Variants in EML5 observed in about 807,000 individuals in gnomAD.
The protein encoded by EML5 is echinoderm microtubule-associated protein-like 5.
In EML5, 120 loss-of-function variants were observed where a neutral mutation model predicts 250.0. That is an observed-to-expected ratio of 0.48 (90% CI 0.41 to 0.56). The LOEUF (loss-of-function observed/expected upper bound fraction) is 0.56, where lower values mean the gene tolerates loss of function less well. Among genes scored for constraint, EML5 ranks in the 20% least tolerant of loss-of-function variants. The pLI is 0.00. For synonymous variants in EML5, 771 were observed against 806.5 expected (o/e 0.96, Z 0.75); for missense variants, 2,006 against 2,437.6 (o/e 0.82, Z 3.73).
At chr14:88,665,222 T>C (rs2092271209) in intron 22 of EML5, 115 bp downstream of exon 22, 3 of 1,150,070 alleles carry the variant, frequency 2.6e-6, no homozygotes, top group Non-Finnish European at 3.6e-6. Flanking sequence ...CTGCCTCTTC[T>C]AGTAAAAAAG....
chr14:88,743,517 G>A (rs1426776550), intron 4 of EML5, among the ~76,000 whole-genome samples: 1 of 152,044 alleles, frequency 6.6e-6, no homozygotes, highest in Non-Finnish European at 1.5e-5. Flanking sequence ...AATATACACT[G>A]CCGCCTTATT....
At chr14:88,647,415 G>A (rs2140737176) in intron 28 of EML5, among the ~76,000 whole-genome samples, 1 of 151,766 alleles carries the variant, frequency 6.6e-6, no homozygotes, top group Admixed American at 6.6e-5. Flanking sequence ...AAAGGCATAA[G>A]GCTGGGCACA....
intron 8 of EML5, among the ~76,000 whole-genome samples, chr14:88,720,457 G>A (rs2093572538): frequency 6.6e-6 from 1 of 152,116 alleles, no homozygotes; most frequent in African/African-American, 2.4e-5. Flanking sequence ...TCATCCCCGA[G>A]ATGCAAGGCT....
At chr14:88,668,004 G>A (rs2092352570) in intron 21 of EML5, among the ~76,000 whole-genome samples, 1 of 152,142 alleles carries the variant, frequency 6.6e-6, no homozygotes, top group African/African-American at 2.4e-5. Context: ...TGCACCCTCT[G>A]GCAAGCTTTT....
chr14:88,744,698 G>A (rs1018129149), intron 3 of EML5, among the ~76,000 whole-genome samples: 1 of 151,888 alleles, frequency 6.6e-6, no homozygotes, highest in Non-Finnish European at 1.5e-5. Context: ...AATAAAATAC[G>A]AATGAGAAAT....
chr14:88,772,988 C>T (rs1025148038), intron 1 of EML5, among the ~76,000 whole-genome samples: 1 of 152,220 alleles, frequency 6.6e-6, no homozygotes, highest in South Asian at 2.1e-4. Flanking sequence ...TACTCCTAGT[C>T]ATCCCAACAT....
At chr14:88,741,802 A>G (rs775936225) in intron 4 of EML5, among the ~76,000 whole-genome samples, 8 of 152,228 alleles carry the variant, frequency 5.3e-5, no homozygotes, top group Admixed American at 2.0e-4. Context: ...CAAAGAAAAA[A>G]TTCAACTTTG....
chr14:88,749,868 A>G (rs77334380), intron 2 of EML5, among the ~76,000 whole-genome samples: 1,524 of 152,334 alleles, frequency 0.01, 24 homozygotes, highest in African/African-American at 0.035. Context: ...CACAGAAGAA[A>G]TAACAAGAAA....
In EML5 at chr14:88,658,212, G is replaced by A. The variant is rs568412615; in HGVS notation, c.3852C>T (p.Ser1284=). ...CCCCATCTTCTTCAGAATCAATGTCGGATTCTTCACTATCACAAGGCCTTT... is the reference window on the plus strand; with the variant it reads ...CCCCATCTTCTTCAGAATCAATGTCAGATTCTTCACTATCACAAGGCCTTT... ...REKRPCDSEE[S]DIDSEEDGGY... Residue 1284 remains serine, a synonymous_variant, in exon 26 of 44, where the codon TCC becomes TCT. Transcript: ENST00000554922. 3.0e-5 allele frequency: 49 copies of A among 1,613,506 alleles called. 1 individual carries two copies. Among genetic ancestry groups the A allele is most frequent in the African/African-American group, 9.3e-5 (7 of 74,956 alleles).
intron 21 of EML5, among the ~76,000 whole-genome samples, chr14:88,676,532 G>A (rs559096854): frequency 6.6e-6 from 1 of 152,292 alleles, no homozygotes; most frequent in South Asian, 2.1e-4. Flanking sequence ...TCTGAGTGGG[G>A]ACACAGCCAA....
At chr14:88,685,621 T>A (rs1472202131) in intron 19 of EML5, among the ~76,000 whole-genome samples, 5 of 151,474 alleles carry the variant, frequency 3.3e-5, no homozygotes, top group Middle Eastern at 3.2e-3. Flanking sequence ...TTCCATATAT[T>A]TTTTTTTTCA....
chr14:88,621,524 G>C lies in EML5; in HGVS notation c.5014-223C>G, dbSNP rs1036403134. ...ATTACATATTAGAGTCCATGCTACA[G>C]AATAGAACTTTTCTGTGGCAGTACA... is the stretch of plus-strand genomic sequence containing the variant. On this transcript the variant is annotated intron_variant, in intron 37 of 43. Coordinates refer to ENST00000554922, the MANE Select transcript of EML5 (RefSeq NM_183387.3). 9 of 563,970 alleles carry C rather than the reference G, an allele frequency of 1.6e-5. No individual in the cohort carries two copies. The East Asian group carries it at 2.6e-4, about 17-fold the overall frequency. The allele number at this position is 563,970 out of a possible 1,614,324, so 34.9% of individuals were successfully genotyped here.
rs561391485 is a variant in EML5, at chr14:88,665,407, C to T, written c.3207G>A (p.Ala1069=). ...AAGACACAAGATCCTCTAGAGTATC[C>T]GCATTTGCCATTAAGAAGCTTCCAT... ...LNDGSFLMAN[A]DTLEDLVSFH... Residue 1069 remains alanine, a synonymous_variant, in exon 22 of 44, where the codon GCG becomes GCA. Coordinates refer to ENST00000554922, the MANE Select transcript of EML5 (RefSeq NM_183387.3). 1.2e-5 allele frequency: 20 copies of T among 1,613,766 alleles called. No individual in the cohort carries two copies. The highest frequency in any genetic ancestry group is 8.0e-5 in the African/African-American group (6 of 74,904).
intron 17 of EML5, among the ~76,000 whole-genome samples, chr14:88,691,624 T>C (rs1033982919): frequency 6.6e-6 from 1 of 152,164 alleles, no homozygotes; most frequent in African/African-American, 2.4e-5. Flanking sequence ...AAATCATAAC[T>C]TGAAATTCTC....
chr14:88,749,429 T>C (rs1371474404), intron 2 of EML5, among the ~76,000 whole-genome samples: 3 of 152,086 alleles, frequency 2.0e-5, no homozygotes, highest in Non-Finnish European at 2.9e-5. Flanking sequence ...CTACAAGATA[T>C]GATCATGAAA....
intron 18 of EML5, among the ~76,000 whole-genome samples, chr14:88,687,581 A>G (rs1436102106): frequency 1.3e-5 from 2 of 152,164 alleles, no homozygotes; most frequent in African/African-American, 2.4e-5. Flanking sequence ...ATCTGTAACT[A>G]TAAGTTAGAT....
chr14:88,739,186 T>C (rs759943009), intron 5 of EML5, among the ~76,000 whole-genome samples, 172 bp from the exon 6 acceptor site: 21 of 152,222 alleles, frequency 1.4e-4, no homozygotes, highest in Non-Finnish European at 2.4e-4. Flanking sequence ...AAGAACTTAA[T>C]ACAGTTGCCC....
intron 1 of EML5, among the ~76,000 whole-genome samples, chr14:88,767,598 CT>C: frequency 6.6e-6 from 1 of 152,232 alleles, no homozygotes; most frequent in South Asian, 2.1e-4. Context: ...TGGTACAATT[CT>C]TTTCTCAACT....
At chr14:88,618,963 GAGA>G in intron 39 of EML5, 151 bp from the exon 40 acceptor site, 1 of 610,492 alleles carries the variant, frequency 1.6e-6, no homozygotes, top group Non-Finnish European at 2.6e-6. Context: ...CATGTATACT[GAGA>G]TTGTCTGGGT....
Sources: gnomAD v4.1 joint callset for allele counts (sites outside exome capture counted in the v4.1 genomes callset) on GRCh38, gnomAD v4.1.1 for gene constraint, MANE v1.5 for transcripts, NCBI Gene and HGNC (gene_info 2026-07-23, HGNC 2026-07-21) for gene names.